PPIP5K2: variants seen among roughly 807,000 people sequenced by gnomAD.
PPIP5K2 encodes the protein diphosphoinositol pentakisphosphate kinase 2.
In PPIP5K2, 105 loss-of-function variants were observed where a neutral mutation model predicts 154.6. The observed-to-expected ratio is 0.68, with a 90% CI of 0.58 to 0.80. The LOEUF (loss-of-function observed/expected upper bound fraction) is 0.80. PPIP5K2 is among the 30% of genes least tolerant of loss of function. The pLI, the probability that PPIP5K2 is intolerant of heterozygous loss-of-function variation, is 0.00. For missense variants in PPIP5K2, 992 were observed against 1,504.6 expected (o/e 0.66, Z 5.64); for synonymous variants, 480 against 490.3 (o/e 0.98, Z 0.28).
intron 19 of PPIP5K2, among the ~76,000 whole-genome samples, chr5:103,170,789 T>A (rs904343023): frequency 6.6e-6 from 1 of 151,536 alleles, no homozygotes; most frequent in African/African-American, 2.4e-5. Flanking sequence ...CTAACAATTA[T>A]AAACATATTT....
At position 103,153,733 on chromosome 5, in the gene PPIP5K2, T is replaced by C. The variant is rs938793659; in HGVS notation, c.1131-115T>C. The C allele has an allele frequency of 1.3e-4, 84 of 635,778 alleles. No homozygotes were observed. In the African/African-American group the frequency reaches 1.5e-3, roughly 11 times the overall value. The allele number at this position is 635,778 out of a possible 1,614,324, so 39.4% of individuals were successfully genotyped here. A position where few individuals can be genotyped will look rare whatever the true frequency, so the allele number is the denominator to read the frequency against. On this transcript the variant is annotated intron_variant, in intron 10 of 30. Coordinates refer to ENST00000358359, the MANE Select transcript of PPIP5K2 (RefSeq NM_001276277.3). ...TAAGTATTATTCTTCATGGGAAAGA[T>C]CTTGAAGTGGTAAAAGATGGCTTTA...
intron 5 of PPIP5K2, 101 bp from the exon 6 acceptor site, chr5:103,146,421 GTTTTC>G: frequency 5.0e-6 from 6 of 1,201,240 alleles, no homozygotes; most frequent in Non-Finnish European, 5.7e-6. Context: ...CATTATCCAA[GTTTTC>G]TTTTATGGTC....
chr5:103,194,680 T>G (rs1299956707), intron 29 of PPIP5K2: 2 of 404,914 alleles, frequency 4.9e-6, no homozygotes, highest in Non-Finnish European at 9.0e-6. Flanking sequence ...ACTATTTAAA[T>G]GCTTATCATT....
intron 30 of PPIP5K2, among the ~76,000 whole-genome samples, chr5:103,201,218 A>C (rs182895449): frequency 6.6e-6 from 1 of 152,336 alleles, no homozygotes; most frequent in African/African-American, 2.4e-5. Flanking sequence ...CAGAAGTATA[A>C]ATTTAAAAAT....
chr5:103,153,719 C>A, intron 10 of PPIP5K2, 129 bp from the exon 11 acceptor site: 1 of 573,538 alleles, frequency 1.7e-6, no homozygotes. Flanking sequence ...AAGTATTATT[C>A]TTCATGGGAA....
chr5:103,200,618 A>AT (rs1802829145), intron 30 of PPIP5K2, among the ~76,000 whole-genome samples: 1 of 115,014 alleles, frequency 8.7e-6, no homozygotes, highest in Non-Finnish European at 1.6e-5. Context: ...TTTTTATTTT[A>AT]TTTATTTATT....
Position 103,186,372 on chromosome 5 carries a change from C to T in PPIP5K2, c.3222C>T (p.Ser1074=), listed in dbSNP as rs375479234. The T allele has an allele frequency of 1.2e-5, 20 of 1,613,772 alleles. No individual in the cohort carries two copies. The highest frequency in any genetic ancestry group is 3.3e-5 in the Admixed American group (2 of 59,960). The change falls in exon 27 of 31, where the codon AGC becomes AGT. Residue 1074 remains serine (S), a synonymous_variant. Transcript: ENST00000358359. ...CCTCGGTGCTCGGGGGTTCTTCAAG[C>T]GCACCTAACCTACAGGATTATGCTC... The part of the protein sequence containing the change: ...FSTSVLGGSS[S]APNLQDYART...
chr5:103,194,914 C>T lies in PPIP5K2; in HGVS notation c.3508C>T (p.Arg1170Cys), dbSNP rs41300811. Residue 1170 changes from arginine (R) to cysteine (C), a missense_variant, in exon 30 of 31, where the codon CGT (arginine) becomes TGT (cysteine). Coordinates refer to ENST00000358359, the MANE Select transcript of PPIP5K2 (RefSeq NM_001276277.3). ...TTTTTTTTCAGCCTCTACAGCTTTA[C>T]GTTCCAGTCCAATAATGAGAAAAAA... is the stretch of plus-strand genomic sequence containing the variant. ...KTAEISSTAL[R>C]SSPIMRKKVS... The T allele has an allele frequency of 4.0e-4, 644 of 1,611,494 alleles. 3 individuals carry two copies. Among genetic ancestry groups the T allele is most frequent in the Middle Eastern group, 9.9e-4 (6 of 6,052 alleles).
At chr5:103,157,924 A>C (rs1795671083) in intron 14 of PPIP5K2, among the ~76,000 whole-genome samples, 1 of 152,144 alleles carries the variant, frequency 6.6e-6, no homozygotes, top group Non-Finnish European at 1.5e-5. Context: ...CCTGAAGAAA[A>C]TTGGGAGCCA....
Position 103,156,684 on chromosome 5 carries a change from A to AT in PPIP5K2, c.1489+691dup, listed in dbSNP as rs563799929. Reference sequence around the variant, plus strand: ...ATTCATTGAGACAGGATTTCAGTCTATAGTAGAAGTATAAATTGGCACAGT... The same window carrying AT: ...ATTCATTGAGACAGGATTTCAGTCTATTAGTAGAAGTATAAATTGGCACAGT... On this transcript the variant is annotated intron_variant, in intron 14 of 30. Coordinates refer to ENST00000358359, the MANE Select transcript of PPIP5K2 (RefSeq NM_001276277.3). Among the ~76,000 whole-genome samples, 281 of 152,342 alleles carry AT rather than the reference A, an allele frequency of 1.8e-3. 2 individuals are homozygous for AT. In the Middle Eastern group the frequency reaches 0.024, roughly 13 times the overall value.
chr5:103,183,498 C>T, intron 25 of PPIP5K2, 91 bp downstream of exon 25: 3 of 1,077,154 alleles, frequency 2.8e-6, no homozygotes, highest in Non-Finnish European at 4.1e-6. Context: ...CCTTGTATTT[C>T]ACATCAGAGT....
intron 13 of PPIP5K2, among the ~76,000 whole-genome samples, chr5:103,155,577 A>C (rs1188271160): frequency 1.3e-5 from 2 of 149,740 alleles, no homozygotes; most frequent in Non-Finnish European, 3.0e-5. Flanking sequence ...ACAGGCACAC[A>C]CCACCATGCC....
Position 103,143,955 on chromosome 5 carries a change from GAAAT to G in PPIP5K2, c.488-2568_488-2565del, listed in dbSNP as rs1164820658. On this transcript the variant is annotated intron_variant, in intron 5 of 30. Coordinates refer to ENST00000358359, the MANE Select transcript of PPIP5K2 (RefSeq NM_001276277.3). ...AGCCAGAGAAATTAGGGAAGAGAAA[GAAAT>G]AAAGGGCATCCAAATTGAAAAAAAA... is the stretch of plus-strand genomic sequence containing the variant. 2.6e-5 allele frequency among the ~76,000 whole-genome samples: 4 copies of G among 151,908 alleles called. No homozygotes were observed. In the East Asian group the frequency reaches 7.7e-4, roughly 29 times the overall value.
intron 30 of PPIP5K2, among the ~76,000 whole-genome samples, chr5:103,198,927 A>G (rs757819883): frequency 6.6e-6 from 1 of 151,650 alleles, no homozygotes; most frequent in Non-Finnish European, 1.5e-5. Context: ...AACTTTTTCT[A>G]TGGACTTTTG....
rs1474766631 is a variant in PPIP5K2 at position 103,162,971 on chromosome 5, A to G, written c.1920+3643A>G. The stretch of plus-strand genomic sequence containing the variant: ...AAGACTATTCTTTCCCATTACTCAG[A>G]AGTACCATATTTATTATATATGTGT... On this transcript the variant is annotated intron_variant, in intron 17 of 30. Transcript: ENST00000358359. Among the ~76,000 whole-genome samples, 3 of 151,978 alleles carry G rather than the reference A, an allele frequency of 2.0e-5. 1 individual carries two copies. Among genetic ancestry groups the G allele is most frequent in the African/African-American group, 7.2e-5 (3 of 41,402 alleles).
Position 103,203,330 on chromosome 5 carries a change from G to T in PPIP5K2, c.*1696G>T, listed in dbSNP as rs2149873174. The T allele has an allele frequency of 6.6e-6, 1 of 151,780 alleles. No homozygotes were observed. Among genetic ancestry groups the T allele is most frequent in the South Asian group, 2.1e-4 (1 of 4,802 alleles). The allele number at this position is 151,780 out of a possible 1,614,324, so 9.4% of individuals were successfully genotyped here. On this transcript the variant is annotated 3_prime_UTR_variant, in exon 31 of 31. Coordinates refer to ENST00000358359, the MANE Select transcript of PPIP5K2 (RefSeq NM_001276277.3). ...ACATATTAAATAAAATTTATTATTG[G>T]CTATATACATAGCAATATATTACTT...
intron 3 of PPIP5K2, among the ~76,000 whole-genome samples, chr5:103,134,315 T>A (rs1355507460): frequency 6.6e-6 from 1 of 152,186 alleles, no homozygotes; most frequent in Non-Finnish European, 1.5e-5. Context: ...TGAGGGTACA[T>A]CTGAAAATTG....
At chr5:103,183,779 A>G (rs1363394971) in intron 25 of PPIP5K2, among the ~76,000 whole-genome samples, 3 of 152,216 alleles carry the variant, frequency 2.0e-5, no homozygotes, top group Non-Finnish European at 4.4e-5. Context: ...AAGAAAATGT[A>G]TTAATATTTT....
Position 103,136,773 on chromosome 5 carries a change from A to T in PPIP5K2, c.352A>T (p.Asn118Tyr). 1 of 1,613,906 alleles carries T rather than the reference A, an allele frequency of 6.2e-7. No individual in the cohort carries two copies. The highest frequency in any genetic ancestry group is 8.5e-7 in the Non-Finnish European group (1 of 1,179,862). Residue 118 changes from asparagine (N) to tyrosine (Y), a missense_variant, in exon 4 of 31, where the codon AAT (asparagine) becomes TAT (tyrosine). This residue lies in a region of PPIP5K2 where 153 missense variants were observed against 200.4 expected (regional missense o/e 0.76). Transcript: ENST00000358359. The part of the protein sequence containing the change: ...DKAVAYAKLR[N>Y]PFVINDLNMQ... ...AGCGGTTGCCTATGCAAAACTCAGG[A>T]ATCCATTTGTAATCAATGACTTGAA...
Sources: gnomAD v4.1 joint callset for allele counts (sites outside exome capture counted in the v4.1 genomes callset) on GRCh38, gnomAD v4.1.1 for gene constraint, gnomAD v4.1.1 regional missense constraint, MANE v1.5 for transcripts, NCBI Gene and HGNC (gene_info 2026-07-23, HGNC 2026-07-21) for gene names.